The following TTC27 variants were observed in gnomAD, a reference collection of about 807,000 sequenced individuals.
TTC27 encodes tetratricopeptide repeat domain 27.
TTC27 carries 79 observed loss-of-function variants against 115.9 expected under a neutral mutation model. The observed-to-expected ratio is 0.68, with a 90% CI of 0.57 to 0.82. The LOEUF (loss-of-function observed/expected upper bound fraction) is 0.82, where lower values mean the gene tolerates loss of function less well. Ranked by LOEUF, TTC27 falls within the 40% of genes least tolerant of loss-of-function variation. The pLI is 0.00. For missense variants in TTC27, 1,054 were observed against 993.1 expected (o/e 1.06, Z -0.82); for synonymous variants, 401 against 356.0 (o/e 1.13, Z -1.42).
chr2:32,633,230 G>T (rs1664280973), intron 2 of TTC27, among the ~76,000 whole-genome samples: 1 of 152,144 alleles, frequency 6.6e-6, no homozygotes, highest in Non-Finnish European at 1.5e-5. Flanking sequence ...ATTTTCCGTG[G>T]AGATAGAAGT....
At chr2:32,644,602 T>C (rs1254807313) in intron 4 of TTC27, among the ~76,000 whole-genome samples, 2 of 152,076 alleles carry the variant, frequency 1.3e-5, no homozygotes, top group African/African-American at 2.4e-5. Flanking sequence ...TTTTTCTTTT[T>C]TTTGAGATGG....
chr2:32,632,410 A>G (rs536693851), intron 2 of TTC27, among the ~76,000 whole-genome samples: 1 of 152,262 alleles, frequency 6.6e-6, no homozygotes, highest in African/African-American at 2.4e-5. Context: ...TCACTGATAT[A>G]CCAGATTTCT....
chr2:32,699,536 A>G (rs762318061), intron 9 of TTC27, among the ~76,000 whole-genome samples: 1 of 152,082 alleles, frequency 6.6e-6, no homozygotes, highest in Non-Finnish European at 1.5e-5. Context: ...TTAAAATGCC[A>G]TTTTCTAATA....
chr2:32,656,034 G>A (rs1422507236), intron 5 of TTC27, among the ~76,000 whole-genome samples: 1 of 152,068 alleles, frequency 6.6e-6, no homozygotes, highest in East Asian at 1.9e-4. Flanking sequence ...AGGGAAAGTT[G>A]CATTGAACAA....
chr2:32,713,075 C>G (rs1036472268), intron 10 of TTC27, among the ~76,000 whole-genome samples: 2 of 152,162 alleles, frequency 1.3e-5, no homozygotes, highest in Non-Finnish European at 2.9e-5. Flanking sequence ...CCCTCTCTCT[C>G]TCTTGCTCTC....
At position 32,664,363 on chromosome 2, in the gene TTC27, A is replaced by T. The variant is rs1665683524; in HGVS notation, c.701A>T (p.His234Leu). The T allele has an allele frequency of 1.9e-6, 3 of 1,612,268 alleles. No homozygotes were observed. The highest frequency in any genetic ancestry group is 2.2e-5 in the East Asian group (1 of 44,716). The stretch of plus-strand genomic sequence containing the variant: ...GGTCGATATTTGGCTATTCAATTCC[A>T]TCTGGAATGTGCATATGTGTTTTTA... ...DSGRYLAIQFHLECAYVFLYY... is the reference protein window; with the variant it reads ...DSGRYLAIQFLLECAYVFLYY... The change falls in exon 6 of 20, where the codon CAT becomes CTT. Residue 234 changes from histidine (H) to leucine (L), a missense_variant. Coordinates refer to ENST00000317907, the MANE Select transcript of TTC27 (RefSeq NM_017735.5).
At chr2:32,778,489 C>T (rs1670071464) in intron 14 of TTC27, among the ~76,000 whole-genome samples, 1 of 152,178 alleles carries the variant, frequency 6.6e-6, no homozygotes, top group Non-Finnish European at 1.5e-5. Flanking sequence ...TTGTCACTCC[C>T]TATTTCTCTC....
intron 3 of TTC27, among the ~76,000 whole-genome samples, chr2:32,635,540 C>T (rs146949815): frequency 8.4e-4 from 127 of 152,070 alleles, no homozygotes; most frequent in East Asian, 6.0e-3. Flanking sequence ...AAAAATTAGC[C>T]GGGTGTGGTG....
At chr2:32,766,946 C>T (rs535373150) in intron 13 of TTC27, among the ~76,000 whole-genome samples, 13 of 151,966 alleles carry the variant, frequency 8.6e-5, no homozygotes, top group African/African-American at 2.7e-4. Flanking sequence ...CCACCACGAC[C>T]GGCTAATTTT....
At position 32,630,599 on chromosome 2, in the gene TTC27, T is replaced by G. The variant is rs1664146146; in HGVS notation, c.165T>G (p.Ile55Met). 1 of 1,613,694 alleles carries G rather than the reference T, an allele frequency of 6.2e-7. No individual in the cohort carries two copies. The highest frequency in any genetic ancestry group is 8.5e-7 in the Non-Finnish European group (1 of 1,179,788). ...TCTTAAATTCAATGACTCAAAATAT[T>G]TTTAATTCAACAACAACCGCTGAAG... ...AIFLNSMTQNIFNSTTTAEEK... is the reference protein window; with the variant it reads ...AIFLNSMTQNMFNSTTTAEEK... The change falls in exon 2 of 20, where the codon ATT becomes ATG. Residue 55 changes from isoleucine to methionine, a missense_variant. Ile to Met is a conservative substitution (Grantham distance 10). Coordinates refer to ENST00000317907, the MANE Select transcript of TTC27 (RefSeq NM_017735.5).
chr2:32,701,867 C>T (rs1016509917), intron 9 of TTC27, among the ~76,000 whole-genome samples: 7 of 151,876 alleles, frequency 4.6e-5, no homozygotes, highest in Admixed American at 1.3e-4. Flanking sequence ...ATAAATTAGC[C>T]GGGCATGGTG....
chr2:32,797,690 C>T (rs1341232967), intron 16 of TTC27, among the ~76,000 whole-genome samples: 2 of 152,064 alleles, frequency 1.3e-5, no homozygotes, highest in African/African-American at 4.8e-5. Flanking sequence ...AACTTTATAA[C>T]GGTAGATTTG....
chr2:32,788,262 TC>T (rs1316880581), intron 16 of TTC27, among the ~76,000 whole-genome samples: 1 of 152,156 alleles, frequency 6.6e-6, no homozygotes, highest in East Asian at 1.9e-4. Flanking sequence ...AACATTCAAA[TC>T]CAACACTCCT....
Position 32,633,912 on chromosome 2 carries a change from G to A in TTC27, c.303G>A (p.Leu101=), listed in dbSNP as rs1040456146. 9.3e-6 allele frequency: 15 copies of A among 1,613,764 alleles called. No homozygotes were observed. In the Admixed American group the frequency reaches 1.8e-4, roughly 20 times the overall value. Residue 101 remains leucine, a synonymous_variant, in exon 3 of 20, where the codon TTG becomes TTA. Transcript: ENST00000317907. ...TATTTCTACTTGGTGTGAGCAGTTT[G>A]CAACTTTTTGTTCAGAGCAACTGGA... is the stretch of plus-strand genomic sequence containing the variant. ...QLIFLLGVSS[L]QLFVQSNWTG...
At chr2:32,676,829 T>C (rs189263517) in intron 8 of TTC27, among the ~76,000 whole-genome samples, 6 of 151,958 alleles carry the variant, frequency 3.9e-5, no homozygotes, top group African/African-American at 1.4e-4. Flanking sequence ...TATACATTTA[T>C]ATGCCCTTTA....
intron 4 of TTC27, 139 bp downstream of exon 4, chr2:32,640,549 GA>G: frequency 2.3e-6 from 2 of 875,454 alleles, no homozygotes; most frequent in South Asian, 3.7e-5. Context: ...AAAATCTGAT[GA>G]AAATAAGCAA....
Position 32,640,378 on chromosome 2 carries a change from G to A in TTC27, c.505G>A (p.Val169Met), listed in dbSNP as rs1465650947. The change falls in exon 4 of 20, where the codon GTG (valine) becomes ATG (methionine). Residue 169 changes from valine (V) to methionine (M), a missense_variant. Physicochemically the swap from Val to Met is conservative, Grantham distance 21. Coordinates refer to ENST00000317907, the MANE Select transcript of TTC27 (RefSeq NM_017735.5). ...ILLLLARIIL[V>M]NVRHKLTAIQ... The stretch of plus-strand genomic sequence containing the variant: ...ACTGTTATTAGCACGCATTATCCTA[G>A]TGAATGTAAGACATAAACTGACAGC... The A allele has an allele frequency of 4.3e-6, 7 of 1,613,800 alleles. No homozygotes were observed. The highest frequency in any genetic ancestry group is 5.9e-6 in the Non-Finnish European group (7 of 1,180,000).
intron 10 of TTC27, chr2:32,704,926 T>C: frequency 2.1e-6 from 1 of 471,076 alleles, no homozygotes; most frequent in South Asian, 1.6e-5. Flanking sequence ...AAGCTTGTGT[T>C]TGTGAGATTT....
chr2:32,645,618 A>G (rs764405994), intron 4 of TTC27, among the ~76,000 whole-genome samples: 2 of 152,110 alleles, frequency 1.3e-5, no homozygotes, highest in African/African-American at 2.4e-5. Flanking sequence ...TTATATATGT[A>G]TACATGTGCC....
Sources: gnomAD v4.1 joint callset for allele counts (sites outside exome capture counted in the v4.1 genomes callset) on GRCh38, gnomAD v4.1.1 for gene constraint, MANE v1.5 for transcripts, NCBI Gene and HGNC (gene_info 2026-07-23, HGNC 2026-07-21) for gene names.